PTPRK: variants seen among roughly 807,000 people sequenced by gnomAD.
The protein encoded by PTPRK is receptor-type tyrosine-protein phosphatase kappa.
Under a neutral mutation model 178.0 loss-of-function variants are expected in PTPRK, and 75 were observed. That is an observed-to-expected ratio of 0.42 (90% CI 0.35 to 0.51). The LOEUF is 0.51. Among genes scored for constraint, PTPRK ranks in the 20% least tolerant of loss-of-function variants. PTPRK has a pLI of 0.02. For missense variants in PTPRK, 1,441 were observed against 1,797.8 expected (o/e 0.80, Z 3.59); for synonymous variants, 637 against 620.6 (o/e 1.03, Z -0.39).
intron 1 of PTPRK, among the ~76,000 whole-genome samples, chr6:128,485,618 G>T (rs1010645151): frequency 1.3e-5 from 2 of 152,148 alleles, no homozygotes; most frequent in Admixed American, 1.3e-4. Context: ...CACAGTTGCT[G>T]TCCCCATGAG....
chr6:128,194,073 T>TATA (rs1267175054), intron 6 of PTPRK, among the ~76,000 whole-genome samples: 2 of 142,298 alleles, frequency 1.4e-5, no homozygotes, highest in African/African-American at 5.3e-5. Flanking sequence ...TATATTATTA[T>TATA]TATTATTATT....
chr6:128,468,147 A>G (rs1850127482), intron 1 of PTPRK, among the ~76,000 whole-genome samples: 1 of 152,190 alleles, frequency 6.6e-6, no homozygotes, highest in South Asian at 2.1e-4. Context: ...TTATTATCAA[A>G]TAAATAAATA....
chr6:128,294,721 T>A (rs983918928), intron 3 of PTPRK, among the ~76,000 whole-genome samples: 3 of 152,130 alleles, frequency 2.0e-5, no homozygotes, highest in African/African-American at 7.2e-5. Context: ...AATTTCACAT[T>A]GGCTAAGAAG....
chr6:128,039,987 A>G (rs1461715780), intron 13 of PTPRK, among the ~76,000 whole-genome samples: 3 of 152,200 alleles, frequency 2.0e-5, no homozygotes, highest in Non-Finnish European at 4.4e-5. Context: ...GATGATGTGA[A>G]TTCTAAATTT....
intron 1 of PTPRK, among the ~76,000 whole-genome samples, chr6:128,483,185 T>G (rs915520463): frequency 6.6e-6 from 1 of 152,194 alleles, no homozygotes; most frequent in African/African-American, 2.4e-5. Context: ...AGTCGTGTTT[T>G]TTCTACAACT....
At chr6:128,247,204 A>T (rs1583682151) in intron 3 of PTPRK, among the ~76,000 whole-genome samples, 1 of 152,268 alleles carries the variant, frequency 6.6e-6, no homozygotes, top group African/African-American at 2.4e-5. Flanking sequence ...AATATGTAAT[A>T]CAAGATATTA....
chr6:128,128,227 G>C (rs1401270738), intron 7 of PTPRK, among the ~76,000 whole-genome samples: 1 of 152,184 alleles, frequency 6.6e-6, no homozygotes, highest in Non-Finnish European at 1.5e-5. Context: ...CAATGTTAAA[G>C]AATCAGTAAT....
At chr6:128,116,728 T>A (rs1269486713) in intron 7 of PTPRK, among the ~76,000 whole-genome samples, 3 of 152,246 alleles carry the variant, frequency 2.0e-5, no homozygotes, top group African/African-American at 7.2e-5. Flanking sequence ...GTATGTAATC[T>A]TTCTAAGCCT....
At chr6:128,298,424 C>G (rs1177885976) in intron 3 of PTPRK, among the ~76,000 whole-genome samples, 1 of 143,672 alleles carries the variant, frequency 7.0e-6, no homozygotes, top group Non-Finnish European at 1.5e-5. Context: ...GAGACACAAC[C>G]AAAAAAGACC....
At chr6:128,118,270 T>C (rs1179931661) in intron 7 of PTPRK, among the ~76,000 whole-genome samples, 3 of 152,222 alleles carry the variant, frequency 2.0e-5, no homozygotes, top group Non-Finnish European at 4.4e-5. Flanking sequence ...TGGACTTACA[T>C]GGTGGCGTGT....
At chr6:128,066,779 T>C (rs777012088) in intron 12 of PTPRK, among the ~76,000 whole-genome samples, 2 of 152,174 alleles carry the variant, frequency 1.3e-5, no homozygotes, top group African/African-American at 4.8e-5. Flanking sequence ...GAGAACAGCA[T>C]GAGGCATGAA....
At chr6:128,455,158 T>C (rs535455830) in intron 1 of PTPRK, among the ~76,000 whole-genome samples, 2 of 152,302 alleles carry the variant, frequency 1.3e-5, no homozygotes, top group Non-Finnish European at 2.9e-5. Flanking sequence ...AAAATTATTA[T>C]GTGATTCAGA....
intron 6 of PTPRK, among the ~76,000 whole-genome samples, chr6:128,216,527 T>A (rs1264135689): frequency 6.6e-6 from 1 of 150,406 alleles, no homozygotes; most frequent in Non-Finnish European, 1.5e-5. Context: ...AGAGCGAGAT[T>A]CTGTCTCAGA....
At position 127,973,037 on chromosome 6, in the gene PTPRK, G is replaced by A. The variant is rs752917806; in HGVS notation, c.4254C>T (p.Asn1418=). The change falls in exon 29 of 30, where the codon AAC becomes AAT. Residue 1418 remains asparagine (N), a synonymous_variant. Transcript: ENST00000368226. Reference sequence around the variant, plus strand: ...TGTGACTCACCGGGGCTTCCACCATGTTTGGCTTGCTGTTCCTCAGTGTCT... The same window carrying A: ...TGTGACTCACCGGGGCTTCCACCATATTTGGCTTGCTGTTCCTCAGTGTCT... ...AVKTLRNSKP[N]MVEAPEQYRF... 7 of 1,614,028 alleles carry A rather than the reference G, an allele frequency of 4.3e-6. No homozygotes were observed. Among genetic ancestry groups the A allele is most frequent in the Middle Eastern group, 1.7e-4 (1 of 6,060 alleles).
At chr6:128,405,886 C>T (rs1841589569) in intron 1 of PTPRK, among the ~76,000 whole-genome samples, 1 of 151,934 alleles carries the variant, frequency 6.6e-6, no homozygotes, top group Admixed American at 6.6e-5. Context: ...TTTAAGTATA[C>T]TCAACTACAT....
intron 6 of PTPRK, 94 bp from the exon 7 acceptor site, chr6:128,184,819 T>C: frequency 8.2e-7 from 1 of 1,214,302 alleles, no homozygotes; most frequent in South Asian, 1.6e-5. Flanking sequence ...TAATGGATCA[T>C]TTATTAGAAA....
chr6:128,051,706 C>G (rs1779029397), intron 13 of PTPRK, among the ~76,000 whole-genome samples: 1 of 152,088 alleles, frequency 6.6e-6, no homozygotes, highest in South Asian at 2.1e-4. Context: ...AGGAGCTCTC[C>G]TCATCTTTCT....
At chr6:128,271,205 G>C (rs1819763291) in intron 3 of PTPRK, among the ~76,000 whole-genome samples, 1 of 152,178 alleles carries the variant, frequency 6.6e-6, no homozygotes, top group African/African-American at 2.4e-5. Flanking sequence ...AGGTAACTGA[G>C]ATGGCTGGCA....
chr6:128,118,370 T>C (rs1204903941), intron 7 of PTPRK, among the ~76,000 whole-genome samples: 1 of 152,326 alleles, frequency 6.6e-6, no homozygotes, highest in African/African-American at 2.4e-5. Context: ...TTCTCTAATA[T>C]GGCCACTTCT....
Sources: gnomAD v4.1 joint callset for allele counts (sites outside exome capture counted in the v4.1 genomes callset) on GRCh38, gnomAD v4.1.1 for gene constraint, MANE v1.5 for transcripts, NCBI Gene and HGNC (gene_info 2026-07-23, HGNC 2026-07-21) for gene names.